The following GABRA3 variants were observed in gnomAD, a reference collection of about 807,000 sequenced individuals.
GABRA3 encodes gamma-aminobutyric acid type A receptor subunit alpha3, also known as gamma-aminobutyric acid receptor subunit alpha-3.
GABRA3 carries 10 observed loss-of-function variants against 30.1 expected under a neutral mutation model. The ratio of observed to expected loss-of-function variants is 0.33; its 90% CI spans 0.20 to 0.56. The LOEUF is 0.56. GABRA3 is among the 20% of genes least tolerant of loss of function. GABRA3 has a pLI of 0.89. For synonymous variants in GABRA3, 151 were observed against 146.8 expected (o/e 1.03, Z -0.21); for missense variants, 233 against 392.0 (o/e 0.59, Z 3.42).
At chrX:152,225,404 G>GCA (rs1179857954) in intron 5 of GABRA3, among the ~76,000 whole-genome samples, 1 of 74,705 alleles carries the variant, frequency 1.3e-5, no homozygotes, top group African/African-American at 5.7e-5. Context: ...CCACACACAC[G>GCA]CACACACACA....
chrX:152,428,541 T>C lies in GABRA3; in HGVS notation c.-27+22605A>G, dbSNP rs766008380. On this transcript the variant is annotated intron_variant, in intron 1 of 9. Coordinates refer to ENST00000370314, the MANE Select transcript of GABRA3 (RefSeq NM_000808.4). Reference sequence around the variant, plus strand: ...CAAAAACAGAGGAAGGTTGCATTAATATATACCAATTTCAGCCTCCAGCCC... The same window carrying C: ...CAAAAACAGAGGAAGGTTGCATTAACATATACCAATTTCAGCCTCCAGCCC... Among the ~76,000 whole-genome samples, 9 of 111,959 alleles carry C rather than the reference T, an allele frequency of 8.0e-5. No homozygotes were observed. In the East Asian group the frequency reaches 2.3e-3, roughly 28 times the overall value.
chrX:152,256,404 A>G (rs1026301234), intron 4 of GABRA3, among the ~76,000 whole-genome samples: 5 of 111,347 alleles, frequency 4.5e-5, no homozygotes, highest in Admixed American at 2.9e-4. Context: ...ATCGCCACAA[A>G]ACCAAAACCT....
intron 7 of GABRA3, among the ~76,000 whole-genome samples, chrX:152,205,317 AT>A (rs901054565): frequency 1.8e-5 from 2 of 109,863 alleles, no homozygotes; most frequent in African/African-American, 6.6e-5. Context: ...ATATGTATCA[AT>A]TTTTTTTAAT....
chrX:152,175,906 T>C (rs973304968), intron 9 of GABRA3, among the ~76,000 whole-genome samples: 1 of 108,189 alleles, frequency 9.2e-6, no homozygotes, highest in African/African-American at 3.4e-5. Flanking sequence ...CTACTAAAAA[T>C]ACAAAAAATT....
Position 152,200,417 on chromosome X carries a change from A to G in GABRA3, c.779-2632T>C, listed in dbSNP as rs773607183. Among the ~76,000 whole-genome samples, 4 of 112,534 alleles carry G rather than the reference A, an allele frequency of 3.6e-5. No individual in the cohort carries two copies. In the East Asian group the frequency reaches 1.1e-3, roughly 32 times the overall value. On this transcript the variant is annotated intron_variant, in intron 7 of 9. Transcript: ENST00000370314. ...TAGCTTGTTTATGTGAACACAAAAA[A>G]TACAAGTAGGCTTATTTTTAATTTA...
chrX:152,394,746 T>C (rs1158533325), intron 1 of GABRA3, among the ~76,000 whole-genome samples: 1 of 112,043 alleles, frequency 8.9e-6, no homozygotes, highest in Admixed American at 9.5e-5. Flanking sequence ...TATATTATCA[T>C]GGAGAATAGG....
intron 6 of GABRA3, among the ~76,000 whole-genome samples, chrX:152,218,052 T>G (rs946483850): frequency 1.8e-5 from 2 of 108,709 alleles, no homozygotes; most frequent in Non-Finnish European, 3.8e-5. Flanking sequence ...AGGTGGAAAT[T>G]CAGGTTATTG....
At position 152,443,511 on chromosome X, in the gene GABRA3, T is replaced by A. The variant is rs751547032; in HGVS notation, c.-27+7635A>T. Among the ~76,000 whole-genome samples the A allele has an allele frequency of 2.7e-5, 3 of 111,828 alleles. No individual in the cohort carries two copies. The South Asian group carries it at 1.1e-3, about 42-fold the overall frequency. ...TCATTCAACAAATATTTAGTAAGTA[T>A]CTACAATATGTCAGACCTTATTGTA... On this transcript the variant is annotated intron_variant, in intron 1 of 9. Coordinates refer to ENST00000370314, the MANE Select transcript of GABRA3 (RefSeq NM_000808.4).
rs953118183 is a variant in GABRA3 at position 152,368,653 on chromosome X, C to G, written c.-26-4057G>C. ...AATTTAATATCCTTTGGATATATAA[C>G]CAGTAGTGAGATTGCTGAATCATGT... On this transcript the variant is annotated intron_variant, in intron 1 of 9. Coordinates refer to ENST00000370314, the MANE Select transcript of GABRA3 (RefSeq NM_000808.4). Among the ~76,000 whole-genome samples the G allele has an allele frequency of 4.6e-5, 5 of 109,240 alleles. No individual in the cohort carries two copies. The East Asian group carries it at 8.6e-4, about 19-fold the overall frequency. 94.9% of individuals were successfully genotyped at this position (109,240 alleles called of 115,157 possible). A position where few individuals can be genotyped will look rare whatever the true frequency, so the allele number is the denominator to read the frequency against.
intron 2 of GABRA3, among the ~76,000 whole-genome samples, chrX:152,348,471 C>T (rs1044281121): frequency 3.6e-5 from 4 of 111,333 alleles, no homozygotes; most frequent in Admixed American, 2.9e-4. Flanking sequence ...ATGAAAATGA[C>T]GTTACTAATA....
intron 1 of GABRA3, among the ~76,000 whole-genome samples, chrX:152,424,668 G>T (rs113049734): frequency 0.022 from 2,464 of 111,082 alleles, 33 homozygotes; most frequent in South Asian, 0.059. Context: ...CAAAGTAGCT[G>T]CCATCACCAT....
intron 1 of GABRA3, among the ~76,000 whole-genome samples, chrX:152,420,047 G>GA (rs1378070041): frequency 9.0e-6 from 1 of 111,189 alleles, no homozygotes; most frequent in East Asian, 2.8e-4. Flanking sequence ...AATAGATGTA[G>GA]AAAAAAAATC....
chrX:152,186,235 G>C (rs868184121), intron 9 of GABRA3, among the ~76,000 whole-genome samples: 1 of 107,266 alleles, frequency 9.3e-6, no homozygotes, highest in Admixed American at 1.1e-4. Context: ...TATTTATTTA[G>C]AGACCGAGTC....
chrX:152,238,239 T>C (rs2124397869), intron 5 of GABRA3, among the ~76,000 whole-genome samples: 1 of 99,823 alleles, frequency 1.0e-5, no homozygotes, highest in African/African-American at 4.1e-5. Context: ...TTTCTGCATC[T>C]ATTGAGATAA....
chrX:152,331,275 T>G (rs1603243076), intron 3 of GABRA3, among the ~76,000 whole-genome samples: 1 of 109,377 alleles, frequency 9.1e-6, no homozygotes, highest in Middle Eastern at 4.8e-3. Flanking sequence ...AGGTTTAAAG[T>G]GGGAGCACTA....
chrX:152,413,188 GA>G (rs1166766292), intron 1 of GABRA3, among the ~76,000 whole-genome samples: 1 of 109,738 alleles, frequency 9.1e-6, no homozygotes, highest in Non-Finnish European at 1.9e-5. Context: ...CTTAAAGAAT[GA>G]AATCCCAGAC....
chrX:152,375,365 C>T (rs950403773), intron 1 of GABRA3, among the ~76,000 whole-genome samples: 2 of 112,172 alleles, frequency 1.8e-5, no homozygotes, highest in African/African-American at 6.5e-5. Flanking sequence ...CATTCAATCA[C>T]ACCCTGTATC....
At chrX:152,278,117 C>T (rs1427171772) in intron 4 of GABRA3, among the ~76,000 whole-genome samples, 2 of 111,394 alleles carry the variant, frequency 1.8e-5, no homozygotes, top group Non-Finnish European at 3.8e-5. Context: ...ATGAAATAGT[C>T]TTTTTTTTAA....
intron 5 of GABRA3, among the ~76,000 whole-genome samples, chrX:152,226,986 G>A (rs1298110873): frequency 1.8e-5 from 2 of 110,905 alleles, no homozygotes; most frequent in Non-Finnish European, 3.8e-5. Context: ...ATTCCTCAGG[G>A]ATCTAGAACT....
Sources: gnomAD v4.1 joint callset for allele counts (sites outside exome capture counted in the v4.1 genomes callset) on GRCh38, gnomAD v4.1.1 for gene constraint, MANE v1.5 for transcripts, NCBI Gene and HGNC (gene_info 2026-07-23, HGNC 2026-07-21) for gene names.